TG: variants seen among roughly 807,000 people sequenced by gnomAD.
TG encodes the protein thyroid hormones.
Under a neutral mutation model 324.7 loss-of-function variants are expected in TG, and 270 were observed. The observed-to-expected ratio is 0.83, with a 90% CI of 0.75 to 0.92. TG has a LOEUF of 0.92. Among genes scored for constraint, TG ranks in the 40% least tolerant of loss-of-function variants. The pLI is 0.00. For missense variants in TG, 3,591 were observed against 3,456.4 expected (o/e 1.04, Z -0.98); for synonymous variants, 1,401 against 1,327.0 (o/e 1.06, Z -1.21).
At chr8:133,118,576 C>T (rs1281177414) in intron 45 of TG, among the ~76,000 whole-genome samples, 5 of 152,144 alleles carry the variant, frequency 3.3e-5, no homozygotes, top group Admixed American at 6.6e-5. Flanking sequence ...CGATCTGCCT[C>T]GGCTTCTCAG....
chr8:132,948,674 C>A, intron 26 of TG, 102 bp from the exon 27 acceptor site: 1 of 1,254,134 alleles, frequency 8.0e-7, no homozygotes. Context: ...TCCTGAGACG[C>A]TGTCACCTAT....
rs761505057 is a variant in TG at position 132,908,221 on chromosome 8, C to T, written c.3883C>T (p.His1295Tyr). The part of the protein sequence containing the change: ...QLWQTIQTQG[H>Y]FQLQLPPGKM... The stretch of plus-strand genomic sequence containing the variant: ...GTGGCAGACCATCCAGACCCAAGGG[C>T]ACTTTCAGCTCCAGCTCCCGCCGGG... Residue 1295 changes from histidine (H) to tyrosine (Y), a missense_variant, in exon 18 of 48, where the codon CAC becomes TAC. His to Tyr is a moderately conservative substitution (Grantham distance 83). Transcript: ENST00000220616. The T allele has an allele frequency of 3.7e-6, 6 of 1,613,908 alleles. No individual in the cohort carries two copies. The African/African-American group carries it at 5.3e-5, about 14-fold the overall frequency.
rs1361892329 is a variant in TG at position 132,931,291 on chromosome 8, C to T, written c.4816+2099C>T. Reference sequence around the variant, plus strand: ...CACTTAATTTACCTCTTTCAAGACCCTAACTCCAAATGCAGTCACATTCTG... The same window carrying T: ...CACTTAATTTACCTCTTTCAAGACCTTAACTCCAAATGCAGTCACATTCTG... On this transcript the variant is annotated intron_variant, in intron 23 of 47. Transcript: ENST00000220616. 2.0e-5 allele frequency among the ~76,000 whole-genome samples: 3 copies of T among 152,358 alleles called. No homozygotes were observed. In the East Asian group the frequency reaches 5.8e-4, roughly 29 times the overall value.
chr8:132,901,442 G>A lies in TG; in HGVS notation c.3523G>A (p.Gly1175Ser). Reference protein sequence around the residue: ...YVPACRAEDGGFSPVQCDQAQ... With the variant: ...YVPACRAEDGSFSPVQCDQAQ... ...CCCAGCCTGCAGGGCAGAGGATGGG[G>A]GCTTTTCCCCAGTGCAATGTGACCA... The change falls in exon 16 of 48, where the codon GGC becomes AGC. Residue 1175 changes from glycine to serine, a missense_variant. Transcript: ENST00000220616. The A allele has an allele frequency of 6.2e-7, 1 of 1,614,240 alleles. No individual in the cohort carries two copies.
chr8:132,981,888 C>T (rs1830904272), intron 34 of TG, among the ~76,000 whole-genome samples: 1 of 152,126 alleles, frequency 6.6e-6, no homozygotes, highest in South Asian at 2.1e-4. Flanking sequence ...TGCAAAGAGG[C>T]TGGGGCTTGG....
chr8:133,038,470 C>G (rs573117867), intron 41 of TG: 1 of 1,390,918 alleles, frequency 7.2e-7, no homozygotes, highest in African/African-American at 1.4e-5. Flanking sequence ...AGATCCCAGG[C>G]AATAGTTGGA....
At chr8:133,062,749 C>A (rs1391772008) in intron 41 of TG, among the ~76,000 whole-genome samples, 1 of 152,208 alleles carries the variant, frequency 6.6e-6, no homozygotes, top group Non-Finnish European at 1.5e-5. Flanking sequence ...GTGTGACATG[C>A]ACAGGCTGTT....
rs542888744 is a variant in TG, at chr8:132,981,953, C to T, written c.6200-1397C>T. On this transcript the variant is annotated intron_variant, in intron 34 of 47. Coordinates refer to ENST00000220616, the MANE Select transcript of TG (RefSeq NM_003235.5). ...AAGGAGGTGGATGTGAGGCGACCCA[C>T]GCAAGGACTTTGGGACCAGAACACA... Among the ~76,000 whole-genome samples, 18 of 152,272 alleles carry T rather than the reference C, an allele frequency of 1.2e-4. No homozygotes were observed. The South Asian group carries it at 1.2e-3, about 11-fold the overall frequency.
chr8:133,073,764 G>A (rs1844439657), intron 41 of TG, among the ~76,000 whole-genome samples: 1 of 152,010 alleles, frequency 6.6e-6, no homozygotes, highest in African/African-American at 2.4e-5. Context: ...GCATCCGCTT[G>A]TTCTCGCTGA....
chr8:132,925,764 G>A (rs371965192), intron 22 of TG, among the ~76,000 whole-genome samples: 9 of 152,188 alleles, frequency 5.9e-5, no homozygotes, highest in African/African-American at 9.6e-5. Context: ...ATTGTCTTAC[G>A]TGCTCTGAGC....
intron 29 of TG, chr8:132,964,931 C>G: frequency 1.4e-6 from 1 of 702,330 alleles, no homozygotes; most frequent in Non-Finnish European, 2.6e-6. Context: ...CAGATGCTCC[C>G]AGGTATACCT....
At position 133,053,356 on chromosome 8, in the gene TG, C is replaced by T. The variant is rs568448654; in HGVS notation, c.7239+23333C>T. Among the ~76,000 whole-genome samples the T allele has an allele frequency of 5.3e-5, 8 of 152,214 alleles. No individual in the cohort carries two copies. In the East Asian group the frequency reaches 1.5e-3, roughly 29 times the overall value. ...TACTGGTGTCTTCTGTGTCTGTAGC[C>T]TGTGCCACACCTGTTTTACAAAGGA... is the stretch of plus-strand genomic sequence containing the variant. On this transcript the variant is annotated intron_variant, in intron 41 of 47. Transcript: ENST00000220616.
intron 41 of TG, among the ~76,000 whole-genome samples, chr8:133,079,880 A>G (rs1215149492): frequency 6.6e-6 from 1 of 151,992 alleles, no homozygotes; most frequent in Non-Finnish European, 1.5e-5. Context: ...ATATCAAACC[A>G]TATGACCTTC....
chr8:132,885,613 G>T (rs1011295538), intron 8 of TG, among the ~76,000 whole-genome samples: 5 of 150,010 alleles, frequency 3.3e-5, no homozygotes, highest in African/African-American at 5.1e-5. Flanking sequence ...AGTCTATTGA[G>T]AATTCCAACG....
At chr8:133,130,344 T>C (rs1018715842) in intron 45 of TG, among the ~76,000 whole-genome samples, 2 of 152,224 alleles carry the variant, frequency 1.3e-5, no homozygotes, top group African/African-American at 2.4e-5. Context: ...CCTGTGACTG[T>C]GTTACCTTCC....
At chr8:133,108,944 T>G (rs1374641043) in intron 43 of TG, among the ~76,000 whole-genome samples, 1 of 152,268 alleles carries the variant, frequency 6.6e-6, no homozygotes, top group Non-Finnish European at 1.5e-5. Context: ...CCAACTACTG[T>G]GCTAAACACT....
chr8:133,097,057 A>G (rs1160105942), intron 43 of TG, among the ~76,000 whole-genome samples: 3 of 152,234 alleles, frequency 2.0e-5, no homozygotes, highest in African/African-American at 7.2e-5. Flanking sequence ...AAAGCCTTGT[A>G]GGTGGTCAAG....
intron 26 of TG, among the ~76,000 whole-genome samples, chr8:132,946,215 C>A (rs1825269479): frequency 6.6e-6 from 1 of 152,074 alleles, no homozygotes; most frequent in Non-Finnish European, 1.5e-5. Flanking sequence ...TGATTTTTTT[C>A]AAGCTGGAAA....
At chr8:133,036,649 A>T (rs1172555567) in intron 41 of TG, 1 of 152,510 alleles carries the variant, frequency 6.6e-6, no homozygotes. Flanking sequence ...CTCTAGTTGC[A>T]CGTTTATTTG....
Sources: gnomAD v4.1 joint callset for allele counts (sites outside exome capture counted in the v4.1 genomes callset) on GRCh38, gnomAD v4.1.1 for gene constraint, MANE v1.5 for transcripts, NCBI Gene and HGNC (gene_info 2026-07-23, HGNC 2026-07-21) for gene names.